Variants in MAGI2 observed in about 807,000 individuals in gnomAD.
MAGI2 encodes membrane associated guanylate kinase, WW and PDZ domain containing 2, also known as membrane-associated guanylate kinase, WW and PDZ domain-containing protein 2.
In MAGI2, 35 loss-of-function variants were observed where a neutral mutation model predicts 133.3. The observed-to-expected ratio is 0.26, with a 90% CI of 0.20 to 0.35. The LOEUF is 0.35. Ranked by LOEUF, MAGI2 falls within the 10% of genes least tolerant of loss-of-function variation. The pLI is 1.00. For missense variants in MAGI2, 1,636 were observed against 1,863.4 expected (o/e 0.88, Z 2.25); for synonymous variants, 729 against 710.6 (o/e 1.03, Z -0.41).
At chr7:79,028,175 G>A (rs1185858522) in intron 1 of MAGI2, among the ~76,000 whole-genome samples, 2 of 144,174 alleles carry the variant, frequency 1.4e-5, no homozygotes, top group African/African-American at 5.2e-5. Context: ...TCGCTCCACT[G>A]CACTCCAGCC....
At chr7:78,233,686 T>C (rs780830221) in intron 10 of MAGI2, among the ~76,000 whole-genome samples, 49 of 152,122 alleles carry the variant, frequency 3.2e-4, no homozygotes, top group Admixed American at 1.8e-3. Flanking sequence ...AGCAGGTTTA[T>C]AGGCTAAAGG....
At chr7:78,300,530 C>A (rs1179077431) in intron 9 of MAGI2, among the ~76,000 whole-genome samples, 1 of 152,108 alleles carries the variant, frequency 6.6e-6, no homozygotes, top group Non-Finnish European at 1.5e-5. Flanking sequence ...CCTTAACAGC[C>A]CACGGTGGCA....
At chr7:79,043,560 A>G (rs1414914595) in intron 1 of MAGI2, among the ~76,000 whole-genome samples, 1 of 150,786 alleles carries the variant, frequency 6.6e-6, no homozygotes, top group African/African-American at 2.4e-5. Context: ...AAAAAAAAAA[A>G]AAAAGAAATT....
At chr7:79,402,305 A>G (rs1845521436) in intron 1 of MAGI2, among the ~76,000 whole-genome samples, 1 of 152,166 alleles carries the variant, frequency 6.6e-6, no homozygotes, top group Non-Finnish European at 1.5e-5. Flanking sequence ...GAAAACTATT[A>G]TCTCATCTAC....
intron 2 of MAGI2, among the ~76,000 whole-genome samples, chr7:78,773,835 A>G (rs892137639): frequency 6.6e-6 from 1 of 152,220 alleles, no homozygotes; most frequent in African/African-American, 2.4e-5. Flanking sequence ...CTGAGATGTA[A>G]TGGCAAGTTA....
chr7:79,322,696 G>C (rs1839282559), intron 1 of MAGI2, among the ~76,000 whole-genome samples: 1 of 151,398 alleles, frequency 6.6e-6, no homozygotes, highest in Admixed American at 6.6e-5. Context: ...TGAGGCATGA[G>C]AATCGCTTGA....
At chr7:78,727,278 C>T (rs151102047) in intron 2 of MAGI2, among the ~76,000 whole-genome samples, 9 of 152,184 alleles carry the variant, frequency 5.9e-5, no homozygotes, top group East Asian at 3.9e-4. Flanking sequence ...GAGAGTCATG[C>T]GCTATTAGCT....
chr7:79,015,346 T>C (rs557015212), intron 1 of MAGI2, among the ~76,000 whole-genome samples: 1 of 80,794 alleles, frequency 1.2e-5, no homozygotes, highest in Non-Finnish European at 2.9e-5. Flanking sequence ...CTCTAATATT[T>C]TTTTTCAACC....
chr7:79,089,217 T>C (rs1816822636), intron 1 of MAGI2, among the ~76,000 whole-genome samples: 2 of 152,150 alleles, frequency 1.3e-5, no homozygotes, highest in Admixed American at 1.3e-4. Context: ...TCATAATCAC[T>C]GGTAATTAGA....
chr7:78,662,748 C>T (rs933722416), intron 2 of MAGI2, among the ~76,000 whole-genome samples: 4 of 152,214 alleles, frequency 2.6e-5, no homozygotes, highest in Admixed American at 2.6e-4. Flanking sequence ...GTGAGGGTAA[C>T]TACTGGTGAA....
chr7:78,663,246 G>A (rs1275264029), intron 2 of MAGI2, among the ~76,000 whole-genome samples: 4 of 123,178 alleles, frequency 3.2e-5, no homozygotes, highest in South Asian at 2.7e-4. Flanking sequence ...TCACTCTCTC[G>A]CCCAAGCTGG....
At chr7:78,733,636 A>T (rs1821578388) in intron 2 of MAGI2, among the ~76,000 whole-genome samples, 1 of 152,226 alleles carries the variant, frequency 6.6e-6, no homozygotes, top group African/African-American at 2.4e-5. Flanking sequence ...AAAATAATAC[A>T]TACAGCATTT....
intron 1 of MAGI2, among the ~76,000 whole-genome samples, chr7:79,237,290 C>G (rs937857843): frequency 8.5e-5 from 13 of 152,148 alleles, no homozygotes; most frequent in Non-Finnish European, 1.8e-4. Context: ...GTCAGGCGAT[C>G]AAGACCATCC....
At chr7:78,824,153 G>A (rs1164235640) in intron 2 of MAGI2, among the ~76,000 whole-genome samples, 1 of 152,158 alleles carries the variant, frequency 6.6e-6, no homozygotes, top group Non-Finnish European at 1.5e-5. Flanking sequence ...TCTTAATGAT[G>A]ATTGTGTAAA....
At chr7:78,852,912 C>A (rs1265952922) in intron 2 of MAGI2, among the ~76,000 whole-genome samples, 1 of 152,000 alleles carries the variant, frequency 6.6e-6, no homozygotes, top group Non-Finnish European at 1.5e-5. Context: ...CCTATAAAAG[C>A]AAGAATGATG....
chr7:78,140,192 A>G (rs1283799787), intron 16 of MAGI2, among the ~76,000 whole-genome samples: 1 of 152,230 alleles, frequency 6.6e-6, no homozygotes, highest in African/African-American at 2.4e-5. Flanking sequence ...CATAAAGAAG[A>G]CAGGATGTTT....
intron 4 of MAGI2, chr7:78,509,432 T>C (rs1795381560): frequency 6.6e-6 from 1 of 152,228 alleles, no homozygotes. Flanking sequence ...TCAGTAAATA[T>C]AATTTTCTCC....
intron 2 of MAGI2, among the ~76,000 whole-genome samples, chr7:78,969,310 C>G (rs891058657): frequency 2.6e-5 from 4 of 152,088 alleles, no homozygotes; most frequent in Non-Finnish European, 4.4e-5. Context: ...CTTCAAGCCT[C>G]TGTACTAAAT....
At chr7:79,160,477 A>T (rs1396289992) in intron 1 of MAGI2, among the ~76,000 whole-genome samples, 1 of 152,044 alleles carries the variant, frequency 6.6e-6, no homozygotes, top group Admixed American at 6.6e-5. Flanking sequence ...GTAGATTGTT[A>T]TCATCAGCTT....
Sources: allele counts gnomAD v4.1 joint callset (sites outside exome capture counted in the v4.1 genomes callset), GRCh38; gene constraint gnomAD v4.1.1; transcripts MANE v1.5; gene names NCBI Gene and HGNC (gene_info 2026-07-23, HGNC 2026-07-21).